SGCZ: variants seen among roughly 807,000 people sequenced by gnomAD.
The protein encoded by SGCZ is sarcoglycan zeta.
In SGCZ, 40 loss-of-function variants were observed where a neutral mutation model predicts 41.3. That is an observed-to-expected ratio of 0.97 (90% CI 0.75 to 1.26). The LOEUF is 1.26. SGCZ is among the 50% of genes most tolerant of loss of function. The pLI is 0.00. For missense variants in SGCZ, 552 were observed against 369.8 expected (o/e 1.49, Z -4.04); for synonymous variants, 206 against 137.5 (o/e 1.50, Z -3.49).
chr8:15,235,153 C>A (rs539351069), intron 1 of SGCZ, among the ~76,000 whole-genome samples: 1 of 152,322 alleles, frequency 6.6e-6, no homozygotes, highest in East Asian at 1.9e-4. Context: ...CTAACTTGAA[C>A]TGGAATGTCT....
intron 1 of SGCZ, among the ~76,000 whole-genome samples, chr8:14,785,433 A>G (rs998988103): frequency 6.6e-6 from 1 of 152,168 alleles, no homozygotes; most frequent in Non-Finnish European, 1.5e-5. Context: ...TTTCACATAC[A>G]TAACGATACC....
intron 1 of SGCZ, among the ~76,000 whole-genome samples, chr8:14,580,986 T>C (rs1158312719): frequency 1.3e-5 from 2 of 152,236 alleles, no homozygotes; most frequent in Admixed American, 6.5e-5. Flanking sequence ...AATGCCTTTC[T>C]TGAGAACCAT....
In SGCZ at chr8:15,145,739, G is replaced by A. The variant is rs1799018916; in HGVS notation, c.39+91846C>T. On this transcript the variant is annotated intron_variant, in intron 1 of 7. Transcript: ENST00000382080. ...CAAAGTGCTGGGACTACAGGTGTGA[G>A]CACCATACGTGGCCCTCCATCTTCC... Among the ~76,000 whole-genome samples the A allele has an allele frequency of 2.6e-5, 4 of 152,312 alleles. No individual in the cohort carries two copies. In the South Asian group the frequency reaches 8.3e-4, roughly 32 times the overall value.
At chr8:15,134,151 C>G (rs1266341124) in intron 1 of SGCZ, among the ~76,000 whole-genome samples, 4 of 152,044 alleles carry the variant, frequency 2.6e-5, no homozygotes, top group Admixed American at 6.6e-5. Context: ...AAAAATCAAG[C>G]TTTATCTTTA....
intron 1 of SGCZ, among the ~76,000 whole-genome samples, chr8:14,920,698 A>G (rs1029690573): frequency 6.6e-6 from 1 of 152,216 alleles, no homozygotes; most frequent in African/African-American, 2.4e-5. Context: ...AAAATATTAT[A>G]GACTTTCCCT....
intron 2 of SGCZ, among the ~76,000 whole-genome samples, chr8:14,525,704 G>T (rs536115520): frequency 9.2e-5 from 14 of 152,134 alleles, no homozygotes; most frequent in African/African-American, 3.4e-4. Context: ...TTGCAAAGAA[G>T]AAGTATTGTC....
At chr8:15,112,961 C>A (rs1807126942) in intron 1 of SGCZ, among the ~76,000 whole-genome samples, 1 of 152,112 alleles carries the variant, frequency 6.6e-6, no homozygotes, top group Admixed American at 6.5e-5. Flanking sequence ...GGGCACAGTA[C>A]ACTTTCAGAA....
intron 3 of SGCZ, among the ~76,000 whole-genome samples, chr8:14,257,876 G>A (rs1052656985): frequency 6.6e-6 from 1 of 151,970 alleles, no homozygotes; most frequent in African/African-American, 2.4e-5. Flanking sequence ...TTTAATTACT[G>A]ATTATATTCT....
chr8:14,610,238 A>G (rs757102027), intron 1 of SGCZ, among the ~76,000 whole-genome samples: 1 of 152,170 alleles, frequency 6.6e-6, no homozygotes, highest in Non-Finnish European at 1.5e-5. Flanking sequence ...ACACTTGAGA[A>G]ACAGTAGATG....
rs564267382 is a variant in SGCZ at position 15,021,081 on chromosome 8, T to C, written c.39+216504A>G. Among the ~76,000 whole-genome samples the C allele has an allele frequency of 3.3e-5, 5 of 152,278 alleles. No homozygotes were observed. In the South Asian group the frequency reaches 6.2e-4, roughly 19 times the overall value. On this transcript the variant is annotated intron_variant, in intron 1 of 7. Transcript: ENST00000382080. ...TGGGATCAAGTGCTTTGGATATAAA[T>C]GAAAGAATTAACAAAATGCCCCAAC...
chr8:15,165,829 C>T (rs913431640), intron 1 of SGCZ, among the ~76,000 whole-genome samples: 5 of 152,092 alleles, frequency 3.3e-5, no homozygotes, highest in Admixed American at 6.5e-5. Flanking sequence ...AGAGCTTCTC[C>T]GTGTGAACAT....
At chr8:14,250,115 T>C (rs1799235198) in intron 3 of SGCZ, among the ~76,000 whole-genome samples, 1 of 152,168 alleles carries the variant, frequency 6.6e-6, no homozygotes, top group Non-Finnish European at 1.5e-5. Flanking sequence ...ACAAAGCTGG[T>C]CTGCAGATTA....
intron 3 of SGCZ, among the ~76,000 whole-genome samples, chr8:14,253,207 CTAAAAATATGCTT>C (rs1403918665): frequency 1.1e-4 from 2 of 17,520 alleles, no homozygotes; most frequent in African/African-American, 6.4e-4. Context: ...TCATATGCTT[CTAAAAATATGCTT>C]CTAAAAAATA....
Position 14,726,331 on chromosome 8 carries a change from T to TATCTATATAC in SGCZ, c.40-171406_40-171405insGTATATAGAT, listed in dbSNP as rs1563228581. On this transcript the variant is annotated intron_variant, in intron 1 of 7. Coordinates refer to ENST00000382080, the MANE Select transcript of SGCZ (RefSeq NM_139167.4). Reference sequence around the variant, plus strand: ...AAATACATATATATATATCTATATATATATATATATAAAATTAGATAGGAT... The same window carrying TATCTATATAC: ...AAATACATATATATATATCTATATATATCTATATACATATATATATAAAATTAGATAGGAT... Among the ~76,000 whole-genome samples, 104 of 144,526 alleles carry TATCTATATAC rather than the reference T, an allele frequency of 7.2e-4. 1 individual carries two copies. Among genetic ancestry groups the TATCTATATAC allele is most frequent in the African/African-American group, 2.5e-3 (101 of 40,182 alleles). 94.8% of individuals were successfully genotyped at this position (144,526 alleles called of 152,430 possible).
chr8:14,493,047 T>C (rs976099840), intron 2 of SGCZ, among the ~76,000 whole-genome samples: 9 of 152,044 alleles, frequency 5.9e-5, no homozygotes, highest in Non-Finnish European at 1.2e-4. Flanking sequence ...CCTGATTGTC[T>C]CTCCAAAAAA....
At chr8:15,033,511 T>G (rs1448394307) in intron 1 of SGCZ, among the ~76,000 whole-genome samples, 1 of 152,022 alleles carries the variant, frequency 6.6e-6, no homozygotes, top group East Asian at 1.9e-4. Context: ...GTGACCCCCC[T>G]GGACTCAGGC....
At chr8:14,369,885 C>G (rs1803849714) in intron 2 of SGCZ, among the ~76,000 whole-genome samples, 1 of 151,858 alleles carries the variant, frequency 6.6e-6, no homozygotes, top group Non-Finnish European at 1.5e-5. Context: ...AGAGAAAAAT[C>G]AAATCACAAA....
chr8:15,227,167 A>C (rs1403040795), intron 1 of SGCZ, among the ~76,000 whole-genome samples: 6 of 152,184 alleles, frequency 3.9e-5, no homozygotes, highest in Admixed American at 3.9e-4. Context: ...TGAAAGTAGA[A>C]ACCACATGAG....
chr8:15,048,796 C>G (rs1280259378), intron 1 of SGCZ, among the ~76,000 whole-genome samples: 5 of 152,112 alleles, frequency 3.3e-5, no homozygotes, highest in African/African-American at 1.2e-4. Context: ...CATTTGTAAA[C>G]TGTGTGAAGT....
Sources: allele counts gnomAD v4.1 joint callset (sites outside exome capture counted in the v4.1 genomes callset), GRCh38; gene constraint gnomAD v4.1.1; transcripts MANE v1.5; gene names NCBI Gene and HGNC (gene_info 2026-07-23, HGNC 2026-07-21).